Variants in BCAS3 observed in about 807,000 individuals in gnomAD.
BCAS3 encodes the protein BCAS4/BCAS3 fusion.
A neutral mutation model predicts 116.1 loss-of-function variants in BCAS3; 53 were observed. The observed-to-expected ratio is 0.46, with a 90% confidence interval of 0.37 to 0.57. The LOEUF (loss-of-function observed/expected upper bound fraction) is 0.57, where lower values mean the gene tolerates loss of function less well. Among genes scored for constraint, BCAS3 ranks in the 20% least tolerant of loss-of-function variants. BCAS3 has a pLI of 0.00. For synonymous variants in BCAS3, 391 were observed against 408.2 expected, an observed-to-expected ratio of 0.96 and a Z score of 0.51; for missense variants, 917 against 1,165.4, an observed-to-expected ratio of 0.79 and a Z score of 3.10.
chr17:60,933,018 T>C (rs551786751), intron 13 of BCAS3, among the ~76,000 whole-genome samples: 2 of 151,760 alleles, frequency 1.3e-5, no homozygotes, highest in South Asian at 2.1e-4. Flanking sequence ...CTACTAAAAA[T>C]ACAAAAATTA....
At chr17:61,059,362 G>T (rs567865843) in intron 19 of BCAS3, among the ~76,000 whole-genome samples, 4 of 151,958 alleles carry the variant, frequency 2.6e-5, no homozygotes, top group African/African-American at 9.7e-5. Flanking sequence ...GATTACAGGC[G>T]TGAGCCACTG....
chr17:61,224,299 T>C lies in BCAS3; in HGVS notation c.2425+139735T>C, dbSNP rs551539587. Among the ~76,000 whole-genome samples the C allele has an allele frequency of 6.6e-6, 1 of 152,166 alleles. No homozygotes were observed. The highest frequency in any genetic ancestry group is 1.5e-5 in the Non-Finnish European group (1 of 68,024). On this transcript the variant is annotated intron_variant, in intron 22 of 23. Transcript: ENST00000407086. This position sits in a 1 kb window ranked among gnomAD's most constrained non-coding sequence, Gnocchi z 5.7. ...TATGACTATAAAGTGATATCAAAAG[T>C]ACAGGTGAAGTTGTGGCAACATTCA...
chr17:60,993,921 T>G lies in BCAS3; in HGVS notation c.1486+3686T>G, dbSNP rs2063687207. The stretch of plus-strand genomic sequence containing the variant: ...CCAGAGGATGTTTATTTATTTGAAA[T>G]ATATTCTTTATAAATATCTCTTCCA... On this transcript the variant is annotated intron_variant, in intron 15 of 23. Transcript: ENST00000407086. This position sits in a 1 kb window ranked among gnomAD's most constrained non-coding sequence, Gnocchi z 4.2. 6.6e-6 allele frequency among the ~76,000 whole-genome samples: 1 copy of G among 152,216 alleles called. No individual in the cohort carries two copies. Among genetic ancestry groups the G allele is most frequent in the African/African-American group, 2.4e-5 (1 of 41,460 alleles).
intron 22 of BCAS3, among the ~76,000 whole-genome samples, chr17:61,111,130 TG>T (rs1464993166): frequency 6.6e-6 from 1 of 150,672 alleles, no homozygotes; most frequent in Non-Finnish European, 1.5e-5. Context: ...ACCACAAAGA[TG>T]GGGAAAAAAC....
At chr17:60,748,358 T>G (rs1245001526) in intron 6 of BCAS3, among the ~76,000 whole-genome samples, 2 of 152,230 alleles carry the variant, frequency 1.3e-5, no homozygotes, top group Non-Finnish European at 2.9e-5. Context: ...CTATGGCATA[T>G]TCTGATTTCA....
chr17:61,209,762 C>T (rs1349721294), intron 22 of BCAS3, among the ~76,000 whole-genome samples: 3 of 152,136 alleles, frequency 2.0e-5, no homozygotes, highest in Admixed American at 2.0e-4. Flanking sequence ...AGGGAAGGAC[C>T]TTCAATAGAG....
chr17:60,708,851 A>T (rs1328168774), intron 4 of BCAS3, among the ~76,000 whole-genome samples: 7 of 151,956 alleles, frequency 4.6e-5, no homozygotes, highest in Admixed American at 4.6e-4. Context: ...TAGAGACAGG[A>T]TCTTGCTGTG....
intron 14 of BCAS3, among the ~76,000 whole-genome samples, chr17:60,971,641 G>A (rs1230584201): frequency 6.6e-6 from 1 of 152,214 alleles, no homozygotes; most frequent in African/African-American, 2.4e-5. Context: ...TTTAAAGGAA[G>A]CTCTGTGAAT....
In BCAS3 at chr17:61,214,706, AAG is replaced by A. The variant is rs1167452641; in HGVS notation, c.2425+130144_2425+130145del. 6.6e-6 allele frequency among the ~76,000 whole-genome samples: 1 copy of A among 152,190 alleles called. No individual in the cohort carries two copies. The highest frequency in any genetic ancestry group is 1.5e-5 in the Non-Finnish European group (1 of 68,040). On this transcript the variant is annotated intron_variant, in intron 22 of 23. Transcript: ENST00000407086. The surrounding 1 kb of genome is among the most constrained non-coding windows in gnomAD (Gnocchi z 4.4). ...ACTCCATCTCAAAAAAAAAGAAAAA[AAG>A]AAAAAAATTCAAAAACATTTTTTAA...
chr17:60,796,997 C>T (rs1196666693), intron 6 of BCAS3, among the ~76,000 whole-genome samples: 6 of 152,074 alleles, frequency 3.9e-5, no homozygotes, highest in South Asian at 2.1e-4. Flanking sequence ...CAGGTTCAAG[C>T]GATTCTCCTG....
chr17:61,292,467 T>C lies in BCAS3; in HGVS notation c.2426-75860T>C, dbSNP rs551763724. On this transcript the variant is annotated intron_variant, in intron 22 of 23. Coordinates refer to ENST00000407086, the MANE Select transcript of BCAS3 (RefSeq NM_017679.5). ...AGGAATTCGAGACTAGCCTGGGCAA[T>C]GTGGCAAAACCCCATCTCTACTAAA... is the stretch of plus-strand genomic sequence containing the variant. Among the ~76,000 whole-genome samples the C allele has an allele frequency of 2.0e-5, 3 of 152,020 alleles. No individual in the cohort carries two copies. The South Asian group carries it at 6.2e-4, about 32-fold the overall frequency.
At chr17:61,373,524 G>T (rs544119867) in intron 23 of BCAS3, among the ~76,000 whole-genome samples, 1 of 151,828 alleles carries the variant, frequency 6.6e-6, no homozygotes, top group Admixed American at 6.6e-5. Context: ...CCACCTCATG[G>T]GTTCAAGCGA....
Position 61,028,409 on chromosome 17 carries a change from C to T in BCAS3, c.1638-6257C>T, listed in dbSNP as rs112865575. 2.6e-5 allele frequency among the ~76,000 whole-genome samples: 4 copies of T among 151,782 alleles called. No individual in the cohort carries two copies. Among genetic ancestry groups the T allele is most frequent in the African/African-American group, 9.7e-5 (4 of 41,386 alleles). On this transcript the variant is annotated intron_variant, in intron 16 of 23. Coordinates refer to ENST00000407086, the MANE Select transcript of BCAS3 (RefSeq NM_017679.5). The surrounding 1 kb of genome is among the most constrained non-coding windows in gnomAD (Gnocchi z 4.3). The stretch of plus-strand genomic sequence containing the variant: ...ATGTCTTCTAAAAACAAATAAGATA[C>T]ACAGATCTTACTTATGAGCCTTCCA...
chr17:61,073,188 T>A lies in BCAS3; in HGVS notation c.2030-1732T>A, dbSNP rs1233086223. 6.6e-6 allele frequency among the ~76,000 whole-genome samples: 1 copy of A among 152,216 alleles called. No individual in the cohort carries two copies. The highest frequency in any genetic ancestry group is 1.5e-5 in the Non-Finnish European group (1 of 68,028). On this transcript the variant is annotated intron_variant, in intron 19 of 23. Coordinates refer to ENST00000407086, the MANE Select transcript of BCAS3 (RefSeq NM_017679.5). This position sits in a 1 kb window ranked among gnomAD's most constrained non-coding sequence, Gnocchi z 4.6. Reference sequence around the variant, plus strand: ...TTGATATAATTTGTCATCACAAGAATGTAGGTGTATGCTTTTGTGATCATT... The same window carrying A: ...TTGATATAATTTGTCATCACAAGAAAGTAGGTGTATGCTTTTGTGATCATT...
intron 16 of BCAS3, among the ~76,000 whole-genome samples, chr17:61,018,876 C>T (rs1158508288): frequency 6.6e-6 from 1 of 152,122 alleles, no homozygotes; most frequent in Admixed American, 6.5e-5. Flanking sequence ...TAATTGTTGT[C>T]TATAATGATT....
chr17:61,175,204 C>T (rs1483252703), intron 22 of BCAS3, among the ~76,000 whole-genome samples: 3 of 152,054 alleles, frequency 2.0e-5, no homozygotes, highest in Non-Finnish European at 2.9e-5. Flanking sequence ...GGCAGGAGTT[C>T]GAGATCAACC....
At position 60,687,382 on chromosome 17, in the gene BCAS3, T is replaced by C. The variant is rs931811210; in HGVS notation, c.139-2304T>C. 3.3e-5 allele frequency among the ~76,000 whole-genome samples: 5 copies of C among 152,106 alleles called. No individual in the cohort carries two copies. The South Asian group carries it at 1.0e-3, about 32-fold the overall frequency. On this transcript the variant is annotated intron_variant, in intron 3 of 23. Coordinates refer to ENST00000407086, the MANE Select transcript of BCAS3 (RefSeq NM_017679.5). ...ACTTTGGGAGGCCTAGGCGGGCAGA[T>C]TGCTTGTGCCCAGGAGTACCAGACC...
rs1329140342 is a variant in BCAS3, at chr17:61,141,378, CAA to C, written c.2425+56815_2425+56816del. On this transcript the variant is annotated intron_variant, in intron 22 of 23. Coordinates refer to ENST00000407086, the MANE Select transcript of BCAS3 (RefSeq NM_017679.5). The surrounding 1 kb of genome is among the most constrained non-coding windows in gnomAD (Gnocchi z 4.3). ...TTTGAGACCAGTCTGGGCAACATAC[CAA>C]GACTCTGTCTACAAAAAAAGTGTTA... Among the ~76,000 whole-genome samples, 1 of 151,838 alleles carries C rather than the reference CAA, an allele frequency of 6.6e-6. No individual in the cohort carries two copies. Among genetic ancestry groups the C allele is most frequent in the Admixed American group, 6.6e-5 (1 of 15,244 alleles).
intron 12 of BCAS3, among the ~76,000 whole-genome samples, chr17:60,912,349 A>G (rs924627174): frequency 6.6e-6 from 1 of 152,146 alleles, no homozygotes; most frequent in Admixed American, 6.5e-5. Flanking sequence ...AATATTGCAT[A>G]TGTTTTGAGA....
Sources: allele counts gnomAD v4.1 joint callset (sites outside exome capture counted in the v4.1 genomes callset), GRCh38; gene constraint gnomAD v4.1.1; non-coding constraint Gnocchi (gnomAD v3.1); transcripts MANE v1.5; gene names NCBI Gene and HGNC (gene_info 2026-07-23, HGNC 2026-07-21).